Variants in SPMIP4 observed in about 807,000 individuals in gnomAD.
The protein encoded by SPMIP4 is sperm-associated microtubule inner protein 4.
the SPMIP4 span, chr7:25,155,056 T>A: frequency 1.2e-6 from 2 of 1,613,948 alleles, no homozygotes; most frequent in African/African-American, 2.7e-5. Context: ...GTTGGCACCG[T>A]GGGAGGAAAG....
At chr7:25,178,924 C>T in the SPMIP4 span, among the ~76,000 whole-genome samples, 3 of 152,030 alleles carry the variant, frequency 2.0e-5, no homozygotes, top group Non-Finnish European at 4.4e-5. Context: ...GCCTGTAATC[C>T]CAGCTACTCT....
chr7:25,148,501 G>GTCTC, the SPMIP4 span, among the ~76,000 whole-genome samples: 3 of 24,904 alleles, frequency 1.2e-4, no homozygotes, highest in Non-Finnish European at 3.0e-4. Flanking sequence ...TTTTGAGACA[G>GTCTC]AGTCTGACTC....
chr7:25,147,639 C>G, the SPMIP4 span, among the ~76,000 whole-genome samples: 3 of 152,228 alleles, frequency 2.0e-5, no homozygotes, highest in Admixed American at 6.5e-5. Flanking sequence ...AGCCCCGGGA[C>G]TTAATTTTTA....
chr7:25,141,327 A>C, the SPMIP4 span, among the ~76,000 whole-genome samples: 24 of 152,270 alleles, frequency 1.6e-4, no homozygotes, highest in African/African-American at 5.8e-4. Flanking sequence ...TAATCCCAGC[A>C]CTTTGGGAGG....
At chr7:25,157,519 C>T in the SPMIP4 span, among the ~76,000 whole-genome samples, 4 of 152,160 alleles carry the variant, frequency 2.6e-5, no homozygotes. Flanking sequence ...ACCCTTGCTA[C>T]GATGCGATGA....
At chr7:25,149,557 T>C in the SPMIP4 span, among the ~76,000 whole-genome samples, 1 of 152,110 alleles carries the variant, frequency 6.6e-6, no homozygotes, top group African/African-American at 2.4e-5. Context: ...AAGAAATAAA[T>C]AAATAAATCA....
the SPMIP4 span, among the ~76,000 whole-genome samples, chr7:25,155,795 A>G: frequency 6.6e-6 from 1 of 152,242 alleles, no homozygotes; most frequent in Admixed American, 6.5e-5. Context: ...ATAGGGATAT[A>G]ATTTTCCTAT....
chr7:25,146,238 A>G, the SPMIP4 span, among the ~76,000 whole-genome samples: 1 of 152,108 alleles, frequency 6.6e-6, no homozygotes, highest in Non-Finnish European at 1.5e-5. Flanking sequence ...GGAAAGAGAG[A>G]CGGCTGAAGG....
At chr7:25,174,500 G>T in the SPMIP4 span, among the ~76,000 whole-genome samples, 2 of 152,108 alleles carry the variant, frequency 1.3e-5, no homozygotes, top group African/African-American at 2.4e-5. This position sits in a 1 kb window ranked among gnomAD's most constrained non-coding sequence, Gnocchi z 4.5. Flanking sequence ...CAGTAATTTA[G>T]CCAGTAACTA....
At chr7:25,156,362 C>A in the SPMIP4 span, among the ~76,000 whole-genome samples, 1 of 152,068 alleles carries the variant, frequency 6.6e-6, no homozygotes, top group African/African-American at 2.4e-5. Context: ...AGGCTACAAG[C>A]AGAAAGGTGA....
chr7:25,132,693 C>T, the SPMIP4 span, among the ~76,000 whole-genome samples: 1 of 152,236 alleles, frequency 6.6e-6, no homozygotes, highest in East Asian at 1.9e-4. This position sits in a 1 kb window ranked among gnomAD's most constrained non-coding sequence, Gnocchi z 5.0. Context: ...TTCCTTACTT[C>T]TATGCATTTT....
At chr7:25,136,907 T>C in the SPMIP4 span, 3 of 1,006,072 alleles carry the variant, frequency 3.0e-6, no homozygotes, top group Non-Finnish European at 4.4e-6. The surrounding 1 kb of genome is among the most constrained non-coding windows in gnomAD (Gnocchi z 5.7). Context: ...GGCATAGGAG[T>C]GTACATTGCA....
chr7:25,143,829 C>T, the SPMIP4 span, among the ~76,000 whole-genome samples: 2 of 152,046 alleles, frequency 1.3e-5, no homozygotes. Context: ...AACTCCTGAC[C>T]TCAAGAGATC....
At chr7:25,168,204 A>T in the SPMIP4 span, 1 of 1,194,264 alleles carries the variant, frequency 8.4e-7, no homozygotes, top group Non-Finnish European at 1.2e-6. Context: ...TTGAAGACAG[A>T]TTTAAGCAAA....
At chr7:25,166,314 G>C in the SPMIP4 span, among the ~76,000 whole-genome samples, 1 of 139,790 alleles carries the variant, frequency 7.2e-6, no homozygotes. Flanking sequence ...ATTGCCGGGC[G>C]TGGTGGCTCA....
the SPMIP4 span, chr7:25,179,110 T>A: frequency 6.8e-7 from 1 of 1,476,618 alleles, no homozygotes; most frequent in Non-Finnish European, 9.2e-7. Flanking sequence ...TTTCCTCACA[T>A]AATAAAATAC....
the SPMIP4 span, among the ~76,000 whole-genome samples, chr7:25,177,344 G>C: frequency 7.3e-3 from 1,108 of 152,238 alleles, 5 homozygotes; most frequent in Non-Finnish European, 0.013. Context: ...TTAGCTGGGC[G>C]AGGTGGTGTG....
the SPMIP4 span, chr7:25,135,265 T>A: frequency 1.1e-6 from 1 of 936,796 alleles, no homozygotes; most frequent in Non-Finnish European, 1.3e-6. Flanking sequence ...TGCTAGATCT[T>A]CAGTAAAATA....
the SPMIP4 span, among the ~76,000 whole-genome samples, chr7:25,159,130 G>T: frequency 6.6e-6 from 1 of 152,206 alleles, no homozygotes; most frequent in African/African-American, 2.4e-5. Flanking sequence ...TCATAGTCAG[G>T]CAGTAGCCAG....
Sources: allele counts gnomAD v4.1 joint callset (sites outside exome capture counted in the v4.1 genomes callset), GRCh38; gene constraint gnomAD v4.1.1; non-coding constraint Gnocchi (gnomAD v3.1); transcripts MANE v1.5; gene names NCBI Gene and HGNC (gene_info 2026-07-23, HGNC 2026-07-21).